The following MCPH1 variants were observed in gnomAD, a reference collection of about 807,000 sequenced individuals.
The protein encoded by MCPH1 is microcephalin.
Under a neutral mutation model 84.5 loss-of-function variants are expected in MCPH1, and 104 were observed. The observed-to-expected ratio is 1.23, with a 90% CI of 1.05 to 1.45. The LOEUF (loss-of-function observed/expected upper bound fraction) is 1.45. Ranked by LOEUF, MCPH1 falls within the 40% of genes most tolerant of loss-of-function variation. MCPH1 has a pLI of 0.00. For missense variants in MCPH1, 1,498 were observed against 1,005.7 expected (o/e 1.49, Z -6.62); for synonymous variants, 514 against 366.8 (o/e 1.40, Z -4.58).
At chr8:6,426,459 G>T (rs1345224293) in intron 3 of MCPH1, among the ~76,000 whole-genome samples, 1 of 152,164 alleles carries the variant, frequency 6.6e-6, no homozygotes, top group African/African-American at 2.4e-5. Context: ...GTACTATTTT[G>T]TGCCTGACAT....
At chr8:6,571,060 G>A (rs984643786) in intron 12 of MCPH1, among the ~76,000 whole-genome samples, 6 of 151,866 alleles carry the variant, frequency 4.0e-5, no homozygotes, top group African/African-American at 1.5e-4. Flanking sequence ...CTGTTATGCT[G>A]TTTGATTTTT....
At chr8:6,609,819 G>GC (rs11280683) in intron 12 of MCPH1, among the ~76,000 whole-genome samples, 20,183 of 103,496 alleles carry the variant, frequency 0.2, 3,129 homozygotes, top group East Asian at 0.39. Context: ...AATGCCCCCC[G>GC]CCCCCCCCCC....
chr8:6,474,250 T>C, intron 9 of MCPH1: 1 of 587,380 alleles, frequency 1.7e-6, no homozygotes, highest in Non-Finnish European at 3.1e-6. Flanking sequence ...TTTCTCAAGC[T>C]AAATCACCCA....
At chr8:6,611,135 C>CACACAG (rs2129579290) in intron 12 of MCPH1, among the ~76,000 whole-genome samples, 1 of 144,370 alleles carries the variant, frequency 6.9e-6, no homozygotes, top group East Asian at 1.9e-4. Flanking sequence ...CACACTCACA[C>CACACAG]ACACACACAC....
At position 6,480,857 on chromosome 8, in the gene MCPH1, G is replaced by C. The variant is rs1366813272; in HGVS notation, c.2117G>C (p.Trp706Ser). ...NVLLGIARGC[W>S]VLSYDWVLWS... The stretch of plus-strand genomic sequence containing the variant: ...CTGCTGGGAATTGCGCGTGGCTGCT[G>C]GGTTCTCTCTTATGATTGGGTAAGC... Residue 706 changes from tryptophan (W) to serine (S), a missense_variant, in exon 11 of 14, where the codon TGG (tryptophan) becomes TCG (serine). Trp to Ser is a radical substitution (Grantham distance 177). Transcript: ENST00000344683. The C allele has an allele frequency of 1.2e-6, 2 of 1,614,126 alleles. No individual in the cohort carries two copies. Among genetic ancestry groups the C allele is most frequent in the Non-Finnish European group, 1.7e-6 (2 of 1,180,032 alleles).
chr8:6,621,431 T>C (rs1444000739), intron 12 of MCPH1, 23 bp from the exon 13 acceptor site: 24 of 1,613,342 alleles, frequency 1.5e-5, no homozygotes, highest in Non-Finnish European at 1.9e-5. Flanking sequence ...ACCTCTGTAA[T>C]TCTATCTCTG....
intron 12 of MCPH1, among the ~76,000 whole-genome samples, chr8:6,614,278 G>A (rs756265594): frequency 1.2e-4 from 18 of 152,298 alleles, no homozygotes; most frequent in East Asian, 3.9e-4. Flanking sequence ...CAGGACTCAC[G>A]ATGGAAGACG....
chr8:6,475,718 G>T (rs577536800), intron 9 of MCPH1, among the ~76,000 whole-genome samples: 1 of 152,244 alleles, frequency 6.6e-6, no homozygotes, highest in South Asian at 2.1e-4. Flanking sequence ...ACCTTTACTG[G>T]GGGCCAGGGC....
chr8:6,442,519 G>A (rs1341783657), intron 7 of MCPH1, among the ~76,000 whole-genome samples: 1 of 152,220 alleles, frequency 6.6e-6, no homozygotes, highest in Non-Finnish European at 1.5e-5. Flanking sequence ...CAAGGAACCT[G>A]TTATTGAACG....
Position 6,621,574 on chromosome 8 carries a change from G to C in MCPH1, c.2335G>C (p.Val779Leu). 6 of 1,614,218 alleles carry C rather than the reference G, an allele frequency of 3.7e-6. No homozygotes were observed. The highest frequency in any genetic ancestry group is 5.1e-6 in the Non-Finnish European group (6 of 1,180,046). The change falls in exon 13 of 14, where the codon GTC (valine) becomes CTC (leucine). Residue 779 changes from valine to leucine, a missense_variant. Coordinates refer to ENST00000344683, the MANE Select transcript of MCPH1 (RefSeq NM_024596.5). ...CCCAGTGGCCAAGCTCTGTGAACTAGTCCACCTGTGCGGAGGCCGGGTCAG... is the reference window on the plus strand; with the variant it reads ...CCCAGTGGCCAAGCTCTGTGAACTACTCCACCTGTGCGGAGGCCGGGTCAG... ...SPPVAKLCEL[V>L]HLCGGRVSQV...
At chr8:6,529,268 C>A (rs1457445758) in intron 12 of MCPH1, among the ~76,000 whole-genome samples, 1 of 152,184 alleles carries the variant, frequency 6.6e-6, no homozygotes, top group African/African-American at 2.4e-5. Flanking sequence ...TCCAGCCACC[C>A]ATTGTTGCTC....
At chr8:6,605,144 T>C (rs1318669574) in intron 12 of MCPH1, among the ~76,000 whole-genome samples, 1 of 152,070 alleles carries the variant, frequency 6.6e-6, no homozygotes. Context: ...AGAGGCCAGG[T>C]CTCCTGACAC....
intron 12 of MCPH1, among the ~76,000 whole-genome samples, chr8:6,588,100 T>G (rs1586723649): frequency 6.6e-6 from 1 of 151,912 alleles, no homozygotes; most frequent in Admixed American, 6.6e-5. Flanking sequence ...GGGTGTGGAG[T>G]TGATGATGGT....
chr8:6,555,920 C>G (rs1490144887), intron 12 of MCPH1, among the ~76,000 whole-genome samples: 1 of 152,168 alleles, frequency 6.6e-6, no homozygotes, highest in Non-Finnish European at 1.5e-5. Flanking sequence ...GCTTCAGCAC[C>G]ATCCTCACAT....
intron 9 of MCPH1, among the ~76,000 whole-genome samples, chr8:6,458,487 GAAAA>G (rs558051124): frequency 4.8e-4 from 68 of 140,702 alleles, no homozygotes; most frequent in African/African-American, 1.7e-3. Context: ...AAAAAAAAAA[GAAAA>G]AAAAAAATTC....
rs541127251 is a variant in MCPH1 at position 6,570,846 on chromosome 8, C to T, written c.2215-50608C>T. Reference sequence around the variant, plus strand: ...TTTTTTAACAAACTTAAGAGATTCCCGAATCTTTCACAGTTTGTACTACCG... The same window carrying T: ...TTTTTTAACAAACTTAAGAGATTCCTGAATCTTTCACAGTTTGTACTACCG... On this transcript the variant is annotated intron_variant, in intron 12 of 13. Coordinates refer to ENST00000344683, the MANE Select transcript of MCPH1 (RefSeq NM_024596.5). Among the ~76,000 whole-genome samples, 7 of 143,418 alleles carry T rather than the reference C, an allele frequency of 4.9e-5. No individual in the cohort carries two copies. In the South Asian group the frequency reaches 1.1e-3, roughly 23 times the overall value. 94.1% of individuals were successfully genotyped at this position (143,418 alleles called of 152,430 possible).
chr8:6,602,789 A>C (rs554233622), intron 12 of MCPH1, among the ~76,000 whole-genome samples: 1 of 149,778 alleles, frequency 6.7e-6, no homozygotes, highest in East Asian at 2.0e-4. Context: ...TCCTGTTCTG[A>C]CCTCCCCACT....
Position 6,625,576 on chromosome 8 carries a change from T to A in MCPH1, c.2452+3885T>A, listed in dbSNP as rs78862498. On this transcript the variant is annotated intron_variant, in intron 13 of 13. Coordinates refer to ENST00000344683, the MANE Select transcript of MCPH1 (RefSeq NM_024596.5). ...TGAAAAGACAATACTCAAAAAAAAATCAATTAAATTTATTCAAACTGGAAT... is the reference window on the plus strand; with the variant it reads ...TGAAAAGACAATACTCAAAAAAAAAACAATTAAATTTATTCAAACTGGAAT... The A allele has an allele frequency of 1.4e-5, 14 of 984,544 alleles. No individual in the cohort carries two copies. The East Asian group carries it at 1.5e-3, about 104-fold the overall frequency. 61.0% of individuals were successfully genotyped at this position (984,544 alleles called of 1,614,324 possible). A position where few individuals can be genotyped will look rare whatever the true frequency, so the allele number is the denominator to read the frequency against.
At chr8:6,408,683 C>G (rs1333638343) in intron 1 of MCPH1, among the ~76,000 whole-genome samples, 1 of 151,978 alleles carries the variant, frequency 6.6e-6, no homozygotes, top group African/African-American at 2.4e-5. Context: ...CATTTCCCAC[C>G]CAGTAGCTGG....
Sources: allele counts gnomAD v4.1 joint callset (sites outside exome capture counted in the v4.1 genomes callset), GRCh38; gene constraint gnomAD v4.1.1; transcripts MANE v1.5; gene names NCBI Gene and HGNC (gene_info 2026-07-23, HGNC 2026-07-21).